The following RRM2 variants were observed in gnomAD, a reference collection of about 807,000 sequenced individuals.
The protein encoded by RRM2 is ribonucleotide reductase regulatory subunit M2, also known as ribonucleoside-diphosphate reductase subunit M2.
RRM2 carries 6 observed loss-of-function variants against 45.9 expected under a neutral mutation model. The ratio of observed to expected loss-of-function variants is 0.13; its 90% CI spans 0.07 to 0.26. RRM2 has a LOEUF of 0.26. Ranked by LOEUF, RRM2 falls within the 10% of genes least tolerant of loss-of-function variation. The pLI is 1.00. For synonymous variants in RRM2, 177 were observed against 173.0 expected (o/e 1.02, Z -0.18); for missense variants, 343 against 489.5 (o/e 0.70, Z 2.82).
At chr2:10,201,115 C>T (rs1257331544) in intron 3 of RRM2, among the ~76,000 whole-genome samples, 1 of 149,392 alleles carries the variant, frequency 6.7e-6, no homozygotes, top group Non-Finnish European at 1.5e-5. Context: ...CACCACTGCT[C>T]TCCAGCCTGG....
chr2:10,208,183 G>T (rs1411306631), intron 3 of RRM2, among the ~76,000 whole-genome samples: 1 of 152,170 alleles, frequency 6.6e-6, no homozygotes, highest in African/African-American at 2.4e-5. Flanking sequence ...TTGGGGAGAA[G>T]AAGGAAGCCG....
At chr2:10,132,800 G>A (rs1024250114), downstream of RRM2, among the ~76,000 whole-genome samples, 8 of 152,214 alleles carry the variant, frequency 5.3e-5, no homozygotes, top group African/African-American at 1.9e-4. Flanking sequence ...GCAGCCAGGC[G>A]TCAAGAAGAT....
chr2:10,136,204 G>T (rs1486022294), downstream of RRM2, among the ~76,000 whole-genome samples: 1 of 152,212 alleles, frequency 6.6e-6, no homozygotes, highest in East Asian at 1.9e-4. Flanking sequence ...TTTGGATTAT[G>T]CAACGTGGCC....
chr2:10,206,173 G>A (rs1429636566), intron 3 of RRM2, among the ~76,000 whole-genome samples: 1 of 151,142 alleles, frequency 6.6e-6, no homozygotes, highest in Admixed American at 6.6e-5. Context: ...GTGAATCTGG[G>A]AGGCGGAGCT....
rs769544869 is a variant in RRM2, at chr2:10,210,332, T to G, written n.504T>G. ...TCAGTCTTCCAGGATCTCAACCAGT[T>G]CTCTCACTGCAGAGTCTGGAGAAGC... On this transcript the variant is annotated non_coding_transcript_exon_variant, in exon 4 of 4. Transcript: ENST00000381786. The G allele has an allele frequency of 2.2e-6, 3 of 1,367,508 alleles. No homozygotes were observed. The South Asian group carries it at 3.4e-5, about 16-fold the overall frequency. The allele number at this position is 1,367,508 out of a possible 1,614,324, so 84.7% of individuals were successfully genotyped here. A position where few individuals can be genotyped will look rare whatever the true frequency, so the allele number is the denominator to read the frequency against.
intron 3 of RRM2, among the ~76,000 whole-genome samples, chr2:10,148,746 T>C (rs1663244374): frequency 6.6e-6 from 1 of 152,210 alleles, no homozygotes; most frequent in Non-Finnish European, 1.5e-5. Context: ...GCCCTTTCAG[T>C]TTGTAGATTT....
rs560015986 is a variant in RRM2, at chr2:10,126,118, C to T, written c.570-757C>T. Among the ~76,000 whole-genome samples the T allele has an allele frequency of 5.5e-4, 79 of 143,314 alleles. 1 individual carries two copies. Among genetic ancestry groups the T allele is most frequent in the Middle Eastern group, 3.6e-3 (1 of 274 alleles). 94.0% of individuals were successfully genotyped at this position (143,314 alleles called of 152,430 possible). A position where few individuals can be genotyped will look rare whatever the true frequency, so the allele number is the denominator to read the frequency against. ...GTTTTACCGTGAGCTGTGATCATCT[C>T]GCTGCACTCTAGCCTGGGCAACAGA... On this transcript the variant is annotated intron_variant, in intron 5 of 9. Transcript: ENST00000304567.
chr2:10,184,474 C>T (rs7608099), intron 3 of RRM2, among the ~76,000 whole-genome samples: 33,204 of 152,204 alleles, frequency 0.22, 3,943 homozygotes, highest in East Asian at 0.51. Context: ...GAAAGTCTCA[C>T]GTTGTGGGAG....
chr2:10,168,604 G>A (rs866964867), intron 3 of RRM2, among the ~76,000 whole-genome samples: 3 of 152,284 alleles, frequency 2.0e-5, no homozygotes, highest in African/African-American at 7.2e-5. Context: ...CTGGGGGTTG[G>A]GGTGGGTCTC....
chr2:10,196,581 G>A (rs756233290), intron 3 of RRM2, among the ~76,000 whole-genome samples: 2 of 152,142 alleles, frequency 1.3e-5, no homozygotes, highest in Non-Finnish European at 2.9e-5. Context: ...ACCAGCCGTT[G>A]TCCCACCCAG....
At chr2:10,141,746 CG>C (rs1663083430) in intron 1 of RRM2, 1 of 1,478,696 alleles carries the variant, frequency 6.8e-7, no homozygotes, top group African/African-American at 1.5e-5. Context: ...GTTCCAAGCA[CG>C]GGAAACAGAG....
At chr2:10,164,651 G>A (rs559582208) in intron 3 of RRM2, among the ~76,000 whole-genome samples, 1 of 152,288 alleles carries the variant, frequency 6.6e-6, no homozygotes, top group Non-Finnish European at 1.5e-5. Context: ...GAAACTTAAG[G>A]GCTACTTACA....
rs1664404788 is a variant in RRM2 at position 10,195,888 on chromosome 2, T to A, written n.483-14423T>A. Among the ~76,000 whole-genome samples, 2 of 152,240 alleles carry A rather than the reference T, an allele frequency of 1.3e-5. No individual in the cohort carries two copies. The highest frequency in any genetic ancestry group is 4.8e-5 in the African/African-American group (2 of 41,554). On this transcript the variant is annotated intron_variant and non_coding_transcript_variant, in intron 3 of 3. Transcript: ENST00000381786. This position sits in a 1 kb window ranked among gnomAD's most constrained non-coding sequence, Gnocchi z 4.9. Reference sequence around the variant, plus strand: ...TTTCCTGCTTGGACAAGACAGAGACTCACACGAGGAAATTCCTTTTGTTCC... The same window carrying A: ...TTTCCTGCTTGGACAAGACAGAGACACACACGAGGAAATTCCTTTTGTTCC...
At chr2:10,124,069 C>G in intron 4 of RRM2, 1 of 533,616 alleles carries the variant, frequency 1.9e-6, no homozygotes, top group African/African-American at 1.9e-5. Context: ...TAAGTGGTAG[C>G]AATGTGATGA....
At position 10,182,756 on chromosome 2, in the gene RRM2, C is replaced by T. The variant is rs73913997; in HGVS notation, n.483-27555C>T. 7.7e-3 allele frequency among the ~76,000 whole-genome samples: 1,169 copies of T among 152,326 alleles called. 18 individuals are homozygous for T. The highest frequency in any genetic ancestry group is 0.026 in the African/African-American group (1,101 of 41,564). ...AAATGGTTGCCAAGTCGCTCCTCTC[C>T]CTCCCAGGTCATCACCGTGACATCC... On this transcript the variant is annotated intron_variant and non_coding_transcript_variant, in intron 3 of 3. Transcript: ENST00000381786.
chr2:10,127,233 C>T lies in RRM2; in HGVS notation c.798+13C>T, dbSNP rs769664148. Reference sequence around the variant, plus strand: ...TAGCAGAGATGAGGTGAGTCTAAGTCAAATAATAGGGTGACCTAAACCCCA... The same window carrying T: ...TAGCAGAGATGAGGTGAGTCTAAGTTAAATAATAGGGTGACCTAAACCCCA... On this transcript the variant is annotated intron_variant, in intron 7 of 9. Coordinates refer to ENST00000304567, the MANE Select transcript of RRM2 (RefSeq NM_001034.4). The surrounding 1 kb of genome is among the most constrained non-coding windows in gnomAD (Gnocchi z 4.1). The T allele has an allele frequency of 8.7e-6, 14 of 1,610,428 alleles. No homozygotes were observed. Among genetic ancestry groups the T allele is most frequent in the Admixed American group, 1.7e-5 (1 of 59,954 alleles).
chr2:10,197,936 C>T (rs1205622321), intron 3 of RRM2, among the ~76,000 whole-genome samples: 1 of 152,142 alleles, frequency 6.6e-6, no homozygotes, highest in African/African-American at 2.4e-5. Context: ...GGCCTGTCTG[C>T]CTGTCTGACC....
intron 3 of RRM2, among the ~76,000 whole-genome samples, chr2:10,193,777 C>A (rs1275765597): frequency 6.6e-6 from 1 of 152,200 alleles, no homozygotes; most frequent in Non-Finnish European, 1.5e-5. Context: ...GCCGCAGCAG[C>A]CACAGAGCAA....
At position 10,128,868 on chromosome 2, in the gene RRM2, T is replaced by C. The variant is rs754992349; in HGVS notation, c.819T>C (p.Ala273=). Reference sequence around the variant, plus strand: ...TCTAGGGTTTACACTGTGATTTTGCTTGCCTGATGTTCAAACACCTGGTAC... The same window carrying C: ...TCTAGGGTTTACACTGTGATTTTGCCTGCCTGATGTTCAAACACCTGGTAC... ...SRDEGLHCDF[A]CLMFKHLVHK... Residue 273 remains alanine, a synonymous_variant, in exon 8 of 10, where the codon GCT becomes GCC. Coordinates refer to ENST00000304567, the MANE Select transcript of RRM2 (RefSeq NM_001034.4). The C allele has an allele frequency of 1.2e-6, 2 of 1,614,024 alleles. No homozygotes were observed. The highest frequency in any genetic ancestry group is 1.7e-6 in the Non-Finnish European group (2 of 1,179,980).
Sources: gnomAD v4.1 joint callset for allele counts (sites outside exome capture counted in the v4.1 genomes callset) on GRCh38, gnomAD v4.1.1 for gene constraint, Gnocchi (gnomAD v3.1) non-coding constraint, MANE v1.5 for transcripts, NCBI Gene and HGNC (gene_info 2026-07-23, HGNC 2026-07-21) for gene names.